The following AFF3 variants were observed in gnomAD, a reference collection of about 807,000 sequenced individuals.
The protein encoded by AFF3 is AF4/FMR2 family member 3.
Under a neutral mutation model 129.7 loss-of-function variants are expected in AFF3, and 32 were observed. The observed-to-expected ratio is 0.25, with a 90% CI of 0.19 to 0.33. AFF3 has a LOEUF of 0.33. Ranked by LOEUF, AFF3 falls within the 10% of genes least tolerant of loss-of-function variation. The pLI, the probability that AFF3 is intolerant of heterozygous loss-of-function variation, is 1.00. For synonymous variants in AFF3, 644 were observed against 635.4 expected (o/e 1.01, Z -0.20); for missense variants, 1,373 against 1,592.0 (o/e 0.86, Z 2.34).
intron 4 of AFF3, among the ~76,000 whole-genome samples, chr2:100,037,045 G>A (rs1684979382): frequency 6.6e-6 from 1 of 152,008 alleles, no homozygotes; most frequent in African/African-American, 2.4e-5. Context: ...CGTTCTGAAA[G>A]CTCACGTCCT....
intron 1 of AFF3, among the ~76,000 whole-genome samples, chr2:100,138,874 G>A (rs1692740371): frequency 6.6e-6 from 1 of 151,504 alleles, no homozygotes; most frequent in Non-Finnish European, 1.5e-5. Flanking sequence ...GAACCCAGGA[G>A]GCGGAGGCTG....
At chr2:99,913,989 G>A (rs1206867195) in intron 7 of AFF3, among the ~76,000 whole-genome samples, 1 of 152,102 alleles carries the variant, frequency 6.6e-6, no homozygotes. Flanking sequence ...TCACCATTTG[G>A]CAAGCACCAC....
intron 8 of AFF3, among the ~76,000 whole-genome samples, chr2:99,834,620 T>A (rs1448478358): frequency 6.6e-6 from 1 of 152,230 alleles, no homozygotes; most frequent in African/African-American, 2.4e-5. Flanking sequence ...ACCAGCAACG[T>A]TTCTGTGGTC....
intron 4 of AFF3, among the ~76,000 whole-genome samples, chr2:100,072,342 T>C (rs1404576009): frequency 6.6e-6 from 1 of 152,224 alleles, no homozygotes; most frequent in African/African-American, 2.4e-5. Context: ...CCTGAGGATA[T>C]GAGGTGGTAC....
At chr2:99,879,432 A>T (rs1230860289) in intron 7 of AFF3, among the ~76,000 whole-genome samples, 1 of 152,196 alleles carries the variant, frequency 6.6e-6, no homozygotes, top group Non-Finnish European at 1.5e-5. Context: ...AATATTAATA[A>T]TATTAATGAA....
intron 7 of AFF3, among the ~76,000 whole-genome samples, chr2:99,912,207 C>G (rs906290286): frequency 2.0e-5 from 3 of 152,192 alleles, no homozygotes; most frequent in African/African-American, 7.2e-5. Flanking sequence ...ACATAAGAAC[C>G]TAGCATTATT....
chr2:99,557,037 C>T (rs1417603960), intron 22 of AFF3, among the ~76,000 whole-genome samples: 1 of 151,974 alleles, frequency 6.6e-6, no homozygotes, highest in African/African-American at 2.4e-5. Context: ...ACTTGAAAAT[C>T]TCTAAAAGAA....
chr2:99,681,597 C>T (rs1199981260), intron 11 of AFF3, among the ~76,000 whole-genome samples: 1 of 152,188 alleles, frequency 6.6e-6, no homozygotes, highest in Non-Finnish European at 1.5e-5. Flanking sequence ...ATTAGTGCCC[C>T]TGTAAGAGAG....
intron 8 of AFF3, among the ~76,000 whole-genome samples, chr2:99,823,519 T>C (rs1305194067): frequency 6.6e-6 from 1 of 152,230 alleles, no homozygotes. Context: ...AAAAGATATT[T>C]ACAAGCACTT....
At chr2:100,094,342 C>T (rs1419313342) in intron 4 of AFF3, among the ~76,000 whole-genome samples, 8 of 152,028 alleles carry the variant, frequency 5.3e-5, no homozygotes, top group Non-Finnish European at 1.0e-4. Context: ...AGAGTCCCAT[C>T]TGGGGGTGAT....
intron 2 of AFF3, among the ~76,000 whole-genome samples, chr2:100,117,109 G>A (rs1422155610): frequency 6.6e-6 from 1 of 152,080 alleles, no homozygotes; most frequent in Admixed American, 6.5e-5. Flanking sequence ...GTACCTAGGT[G>A]TGGATTTCAT....
In AFF3 at chr2:99,998,254, G is replaced by A. The variant is rs574399309; in HGVS notation, c.873+8378C>T. Among the ~76,000 whole-genome samples, 23 of 152,300 alleles carry A rather than the reference G, an allele frequency of 1.5e-4. 1 individual carries two copies. Among genetic ancestry groups the A allele is most frequent in the South Asian group, 1.0e-3 (5 of 4,826 alleles). Reference sequence around the variant, plus strand: ...AGGGGCATGACCAAAGCTAAGAAGCGTTAAGTTATAGATGGGTTGATTTGT... The same window carrying A: ...AGGGGCATGACCAAAGCTAAGAAGCATTAAGTTATAGATGGGTTGATTTGT... On this transcript the variant is annotated intron_variant, in intron 7 of 24. Transcript: ENST00000672756.
At position 99,601,546 on chromosome 2, in the gene AFF3, G is replaced by A. The variant is rs1402180378; in HGVS notation, c.1260C>T (p.Gly420=). Residue 420 remains glycine, a synonymous_variant, in exon 14 of 25, where the codon GGC becomes GGT. Transcript: ENST00000672756. ...CTGAGTCGCTGGAGGAGCTGCTGCT[G>A]CCGCTGCTGCTGCTGCTGCTGCTGC... ...SKGSSSSSSS[G]SSSSSSDSES... 3 of 1,602,678 alleles carry A rather than the reference G, an allele frequency of 1.9e-6. No individual in the cohort carries two copies. The African/African-American group carries it at 4.0e-5, about 21-fold the overall frequency.
intron 8 of AFF3, among the ~76,000 whole-genome samples, chr2:99,755,614 A>G (rs74551483): frequency 0.021 from 3,179 of 152,254 alleles, 52 homozygotes; most frequent in Non-Finnish European, 0.03. Context: ...GGCACCCCCA[A>G]GCATTTCTTT....
intron 10 of AFF3, among the ~76,000 whole-genome samples, chr2:99,739,939 T>A (rs995022764): frequency 9.3e-5 from 14 of 150,578 alleles, no homozygotes; most frequent in African/African-American, 2.4e-4. Context: ...ATTAGGTATA[T>A]CTCCTAAAGC....
chr2:99,950,541 C>T (rs1676055283), intron 7 of AFF3, among the ~76,000 whole-genome samples: 1 of 152,176 alleles, frequency 6.6e-6, no homozygotes, highest in Non-Finnish European at 1.5e-5. Flanking sequence ...ATTGCTACTA[C>T]TAATAATGAA....
intron 11 of AFF3, among the ~76,000 whole-genome samples, chr2:99,712,836 A>G (rs1678018264): frequency 6.6e-6 from 1 of 152,214 alleles, no homozygotes; most frequent in Admixed American, 6.5e-5. Flanking sequence ...AGCCAACCCA[A>G]GTGTCCATTG....
At chr2:99,739,650 T>C (rs570319573) in intron 10 of AFF3, among the ~76,000 whole-genome samples, 3 of 151,770 alleles carry the variant, frequency 2.0e-5, no homozygotes, top group Admixed American at 6.6e-5. Context: ...AGTCATTTTC[T>C]GTTTATACAA....
In AFF3 at chr2:99,928,884, AGC is replaced by A. The variant is rs1449660567; in HGVS notation, c.873+77746_873+77747del. Among the ~76,000 whole-genome samples the A allele has an allele frequency of 2.0e-5, 3 of 152,214 alleles. No homozygotes were observed. The South Asian group carries it at 6.2e-4, about 32-fold the overall frequency. On this transcript the variant is annotated intron_variant, in intron 7 of 24. Coordinates refer to ENST00000672756, the MANE Select transcript of AFF3 (RefSeq NM_001386135.1). ...AGACCCACTCTCTTGAAGTGGCAGC[AGC>A]CTTTGATGATAACAACTCTGACCGC... is the stretch of plus-strand genomic sequence containing the variant.
Sources: gnomAD v4.1 joint callset for allele counts (sites outside exome capture counted in the v4.1 genomes callset) on GRCh38, gnomAD v4.1.1 for gene constraint, MANE v1.5 for transcripts, NCBI Gene and HGNC (gene_info 2026-07-23, HGNC 2026-07-21) for gene names.